Variants in ADISSP observed in about 807,000 individuals in gnomAD.
ADISSP encodes adipose secreted signaling protein, also known as adipose-secreted signaling protein.
the ADISSP span, among the ~76,000 whole-genome samples, chr20:3,766,851 C>T: frequency 6.6e-6 from 1 of 152,192 alleles, no homozygotes; most frequent in African/African-American, 2.4e-5. Flanking sequence ...AATGCCCTAC[C>T]TCCACTTTCC....
chr20:3,760,193 G>C, the ADISSP span: 2 of 1,090,940 alleles, frequency 1.8e-6, no homozygotes, highest in Non-Finnish European at 2.7e-6. Context: ...GAGCCTGAAG[G>C]ATAGGGAGTG....
At chr20:3,762,029 T>G in the ADISSP span, among the ~76,000 whole-genome samples, 8 of 152,330 alleles carry the variant, frequency 5.3e-5, no homozygotes, top group Admixed American at 4.6e-4. Flanking sequence ...GGCTCACGCC[T>G]GTAATCCCAG....
the ADISSP span, among the ~76,000 whole-genome samples, chr20:3,761,588 G>A: frequency 6.6e-6 from 1 of 152,092 alleles, no homozygotes; most frequent in Non-Finnish European, 1.5e-5. Context: ...CGCTCACTTC[G>A]GCCTCCCAAA....
At chr20:3,754,388 CGCTCT>C in the ADISSP span, 1 of 1,604,972 alleles carries the variant, frequency 6.2e-7, no homozygotes, top group Non-Finnish European at 8.5e-7. Context: ...AGGAGCCTCA[CGCTCT>C]CACCCATGAC....
At chr20:3,761,337 T>A in the ADISSP span, among the ~76,000 whole-genome samples, 3 of 73,974 alleles carry the variant, frequency 4.1e-5, no homozygotes, top group African/African-American at 3.0e-4. Context: ...ATGGTTTTTG[T>A]TTTTTTTTTT....
chr20:3,759,836 A>G, the ADISSP span, among the ~76,000 whole-genome samples: 1 of 151,950 alleles, frequency 6.6e-6, no homozygotes, highest in Non-Finnish European at 1.5e-5. This position sits in a 1 kb window ranked among gnomAD's most constrained non-coding sequence, Gnocchi z 4.6. Context: ...AAGAGCACAC[A>G]CCTCCACAGA....
chr20:3,759,969 A>G, the ADISSP span: 1 of 1,435,656 alleles, frequency 7.0e-7, no homozygotes, highest in South Asian at 1.1e-5. The surrounding 1 kb of genome is among the most constrained non-coding windows in gnomAD (Gnocchi z 4.6). Context: ...ACGCACTCAC[A>G]CATGCACACA....
chr20:3,756,553 G>A, the ADISSP span, among the ~76,000 whole-genome samples: 1 of 152,216 alleles, frequency 6.6e-6, no homozygotes, highest in Non-Finnish European at 1.5e-5. Context: ...GGCCAACTGG[G>A]ACTGGCTGCA....
At chr20:3,759,978 C>T in the ADISSP span, 5 of 1,560,564 alleles carry the variant, frequency 3.2e-6, no homozygotes, top group Non-Finnish European at 4.4e-6. The surrounding 1 kb of genome is among the most constrained non-coding windows in gnomAD (Gnocchi z 4.6). Context: ...CACATGCACA[C>T]ACACACACAC....
At chr20:3,761,458 C>T in the ADISSP span, among the ~76,000 whole-genome samples, 1 of 152,048 alleles carries the variant, frequency 6.6e-6, no homozygotes. Flanking sequence ...ACCTCAGCAT[C>T]CCGAGTAGCT....
chr20:3,755,550 G>T, the ADISSP span: 3 of 1,613,382 alleles, frequency 1.9e-6, no homozygotes, highest in Non-Finnish European at 2.5e-6. Context: ...CTCAGCCTGT[G>T]CACTGGGGGC....
At chr20:3,754,486 T>G in the ADISSP span, 1 of 1,614,044 alleles carries the variant, frequency 6.2e-7, no homozygotes. Flanking sequence ...GACGCCCTCT[T>G]TGTGCGCCGA....
the ADISSP span, among the ~76,000 whole-genome samples, chr20:3,757,166 G>A: frequency 6.6e-6 from 1 of 152,004 alleles, no homozygotes; most frequent in Non-Finnish European, 1.5e-5. Flanking sequence ...CTGGCCAACA[G>A]AGTGAAACCC....
chr20:3,765,263 C>T, the ADISSP span, among the ~76,000 whole-genome samples: 5 of 152,218 alleles, frequency 3.3e-5, no homozygotes, highest in Non-Finnish European at 5.9e-5. Flanking sequence ...GCAGCTGTGT[C>T]CACAGAGAAC....
At chr20:3,760,835 G>A in the ADISSP span, among the ~76,000 whole-genome samples, 1 of 152,176 alleles carries the variant, frequency 6.6e-6, no homozygotes, top group Non-Finnish European at 1.5e-5. Context: ...CCTCAGCACA[G>A]GGGCAGTGAG....
At chr20:3,757,877 C>T in the ADISSP span, among the ~76,000 whole-genome samples, 10 of 152,052 alleles carry the variant, frequency 6.6e-5, no homozygotes, top group Non-Finnish European at 1.2e-4. Context: ...CAGCAGACCC[C>T]CCACTCAGGG....
At chr20:3,763,739 C>T in the ADISSP span, among the ~76,000 whole-genome samples, 1 of 152,132 alleles carries the variant, frequency 6.6e-6, no homozygotes, top group Admixed American at 6.5e-5. Flanking sequence ...AGTCCAGGGA[C>T]AGAAGAGGAA....
At chr20:3,759,960 C>T in the ADISSP span, 201 of 1,431,312 alleles carry the variant, frequency 1.4e-4, no homozygotes, top group East Asian at 6.8e-4. The surrounding 1 kb of genome is among the most constrained non-coding windows in gnomAD (Gnocchi z 4.6). Context: ...CCAGCACACA[C>T]GCACTCACAC....
At chr20:3,762,476 T>C in the ADISSP span, among the ~76,000 whole-genome samples, 1 of 151,788 alleles carries the variant, frequency 6.6e-6, no homozygotes, top group Non-Finnish European at 1.5e-5. Context: ...GCTCAAGCAA[T>C]CCTCCCACCC....
Sources: allele counts gnomAD v4.1 joint callset (sites outside exome capture counted in the v4.1 genomes callset), GRCh38; gene constraint gnomAD v4.1.1; non-coding constraint Gnocchi (gnomAD v3.1); transcripts MANE v1.5; gene names NCBI Gene and HGNC (gene_info 2026-07-23, HGNC 2026-07-21).